KLF12: variants seen among roughly 807,000 people sequenced by gnomAD.
KLF12 encodes Krueppel-like factor 12.
Under a neutral mutation model 37.8 loss-of-function variants are expected in KLF12, and 9 were observed. The observed-to-expected ratio is 0.24, with a 90% confidence interval of 0.14 to 0.42. The LOEUF (loss-of-function observed/expected upper bound fraction) is 0.42. Among genes scored for constraint, KLF12 ranks in the 10% least tolerant of loss-of-function variants. KLF12 has a pLI of 1.00. For synonymous variants in KLF12, 208 were observed against 202.1 expected (o/e 1.03, Z -0.25); for missense variants, 411 against 516.0 (o/e 0.80, Z 1.97).
chr13:73,748,012 A>G (rs1371786700), intron 6 of KLF12, among the ~76,000 whole-genome samples: 1 of 152,214 alleles, frequency 6.6e-6, no homozygotes, highest in Non-Finnish European at 1.5e-5. Context: ...TACAATGTCC[A>G]TTTCTGGTGA....
chr13:74,152,417 G>A, the KLF12 span, among the ~76,000 whole-genome samples: 11 of 151,978 alleles, frequency 7.2e-5, no homozygotes, highest in South Asian at 2.1e-4. Context: ...CTTCAGGTTC[G>A]TACCCCACCA....
At chr13:74,168,264 T>C in the KLF12 span, among the ~76,000 whole-genome samples, 1 of 152,224 alleles carries the variant, frequency 6.6e-6, no homozygotes, top group Non-Finnish European at 1.5e-5. Context: ...GGACCCAATA[T>C]GCACAGCTTT....
the KLF12 span, among the ~76,000 whole-genome samples, chr13:74,189,501 G>A: frequency 6.6e-6 from 1 of 152,162 alleles, no homozygotes; most frequent in Non-Finnish European, 1.5e-5. Flanking sequence ...CCCATGATCA[G>A]TCTTCCATTT....
the KLF12 span, among the ~76,000 whole-genome samples, chr13:74,221,248 C>T: frequency 2.6e-5 from 4 of 152,102 alleles, no homozygotes; most frequent in African/African-American, 9.7e-5. Flanking sequence ...CCTCGTCATC[C>T]GCCCGCCTTG....
intron 1 of KLF12, among the ~76,000 whole-genome samples, chr13:73,997,445 A>G (rs1399821155): frequency 6.6e-6 from 1 of 152,206 alleles, no homozygotes; most frequent in Non-Finnish European, 1.5e-5. Flanking sequence ...TTTTTAATCA[A>G]CAGCCTAGAT....
At chr13:73,759,416 G>A (rs1879400309) in intron 6 of KLF12, among the ~76,000 whole-genome samples, 1 of 152,194 alleles carries the variant, frequency 6.6e-6, no homozygotes, top group Non-Finnish European at 1.5e-5. Context: ...GCAAGGATCT[G>A]TAAGATGATG....
At chr13:74,266,772 A>AT in the KLF12 span, among the ~76,000 whole-genome samples, 1 of 152,198 alleles carries the variant, frequency 6.6e-6, no homozygotes, top group Admixed American at 6.5e-5. Flanking sequence ...TCTTAATTCA[A>AT]TGCTGGTCCT....
At chr13:73,719,711 TC>T (rs915851848) in intron 6 of KLF12, among the ~76,000 whole-genome samples, 13 of 151,122 alleles carry the variant, frequency 8.6e-5, no homozygotes, top group Non-Finnish European at 1.3e-4. Flanking sequence ...CTAGTGATCC[TC>T]CCCCTCAGCC....
chr13:74,125,115 G>T (rs1274884532), intron 1 of KLF12, among the ~76,000 whole-genome samples: 4 of 145,658 alleles, frequency 2.7e-5, no homozygotes, highest in Middle Eastern at 3.4e-3. Flanking sequence ...ACTGCACTCC[G>T]GCCTGAGCAA....
chr13:73,823,689 A>C (rs928429841), intron 4 of KLF12, among the ~76,000 whole-genome samples: 2 of 151,674 alleles, frequency 1.3e-5, no homozygotes, highest in Non-Finnish European at 2.9e-5. Context: ...AGATTTGGTT[A>C]TCTCTCTTCA....
chr13:73,812,248 T>C (rs1426596499), intron 5 of KLF12, among the ~76,000 whole-genome samples: 1 of 152,052 alleles, frequency 6.6e-6, no homozygotes, highest in African/African-American at 2.4e-5. Context: ...AAAGAGGAGA[T>C]ACTGGTCAAA....
the KLF12 span, among the ~76,000 whole-genome samples, chr13:74,295,609 C>T: frequency 5.9e-5 from 9 of 152,126 alleles, no homozygotes; most frequent in Middle Eastern, 3.2e-3. Flanking sequence ...CTCAGTGGAA[C>T]GGACTTTCCC....
In KLF12 at chr13:73,721,718, AT is replaced by A. The variant is rs11390848; in HGVS notation, c.870-6194del. Among the ~76,000 whole-genome samples the A allele has an allele frequency of 2.4e-3, 350 of 145,356 alleles. 2 individuals are homozygous for A. Among genetic ancestry groups the A allele is most frequent in the African/African-American group, 7.0e-3 (276 of 39,460 alleles). On this transcript the variant is annotated intron_variant, in intron 6 of 7. Coordinates refer to ENST00000377669, the MANE Select transcript of KLF12 (RefSeq NM_007249.5). ...AGGTGCATGCCACCATGCCTAGTTAATTTTTTTTTTTTTTGGTAGAGAAAGG... is the reference window on the plus strand; with the variant it reads ...AGGTGCATGCCACCATGCCTAGTTAATTTTTTTTTTTTTGGTAGAGAAAGG...
At chr13:74,059,924 T>C (rs1873474705) in intron 1 of KLF12, among the ~76,000 whole-genome samples, 1 of 152,188 alleles carries the variant, frequency 6.6e-6, no homozygotes, top group Admixed American at 6.5e-5. Flanking sequence ...CTTTAATCCA[T>C]CTTAATTTTT....
chr13:74,254,011 T>C, the KLF12 span, among the ~76,000 whole-genome samples: 1 of 152,214 alleles, frequency 6.6e-6, no homozygotes, highest in African/African-American at 2.4e-5. Context: ...TTCCTCTTTC[T>C]CTCCCTCAAA....
At chr13:73,997,678 A>G (rs987514775) in intron 1 of KLF12, among the ~76,000 whole-genome samples, 2 of 152,116 alleles carry the variant, frequency 1.3e-5, no homozygotes, top group Non-Finnish European at 2.9e-5. Flanking sequence ...GGTTTCTGAA[A>G]TTATCCAGTA....
chr13:74,171,980 T>C, the KLF12 span, among the ~76,000 whole-genome samples: 1 of 152,212 alleles, frequency 6.6e-6, no homozygotes, highest in Non-Finnish European at 1.5e-5. Context: ...CCCACCATTC[T>C]AATGAGGCTA....
At chr13:73,985,579 G>A (rs1001469388) in intron 2 of KLF12, among the ~76,000 whole-genome samples, 2 of 152,128 alleles carry the variant, frequency 1.3e-5, no homozygotes, top group Admixed American at 1.3e-4. Flanking sequence ...TTTACTTACA[G>A]TCCTGGCTCT....
chr13:73,773,644 A>G (rs903653477), intron 5 of KLF12, among the ~76,000 whole-genome samples: 3 of 151,890 alleles, frequency 2.0e-5, no homozygotes, highest in Non-Finnish European at 4.4e-5. Flanking sequence ...ACCTCCCCTA[A>G]TCCCTTGGCT....
Sources: allele counts gnomAD v4.1 joint callset (sites outside exome capture counted in the v4.1 genomes callset), GRCh38; gene constraint gnomAD v4.1.1; transcripts MANE v1.5; gene names NCBI Gene and HGNC (gene_info 2026-07-23, HGNC 2026-07-21).